The following TTN variants were observed in gnomAD, a reference collection of about 807,000 sequenced individuals.
The protein encoded by TTN is connectin.
TTN carries 1,525 observed loss-of-function variants against 3,223.0 expected under a neutral mutation model. The ratio of observed to expected loss-of-function variants is 0.47; its 90% CI spans 0.45 to 0.49. TTN has a LOEUF of 0.49. Ranked by LOEUF, TTN falls within the 20% of genes least tolerant of loss-of-function variation. The pLI is 0.00. For missense variants in TTN, 40,786 were observed against 43,424.0 expected (o/e 0.94, Z 5.40); for synonymous variants, 14,094 against 15,161.0 (o/e 0.93, Z 5.17).
Position 178,590,356 on chromosome 2 carries a change from C to T in TTN, c.61369G>A (p.Glu20457Lys). ...IKAANIVGEG[E>K]PRELAESVIA... ...ACAGATTCTGCTAGTTCTCTTGGCT[C>T]ACCCTCTCCTACAATATTAGCTGCC... The change falls in exon 304 of 363, where the codon GAG (glutamate) becomes AAG (lysine). Residue 20457 changes from glutamate (E) to lysine (K), a missense_variant. Glu to Lys is a moderately conservative substitution (Grantham distance 56, BLOSUM62 1). Transcript: ENST00000589042. The T allele has an allele frequency of 1.9e-6, 3 of 1,575,454 alleles. No individual in the cohort carries two copies. The highest frequency in any genetic ancestry group is 2.6e-6 in the Non-Finnish European group (3 of 1,161,882).
chr2:178,747,950 T>C (rs769450043), intron 47 of TTN: 2 of 1,613,088 alleles, frequency 1.2e-6, no homozygotes, highest in Non-Finnish European at 1.7e-6. Flanking sequence ...GTCAGCTTCC[T>C]GAACATCACC....
chr2:178,740,109 C>G lies in TTN; in HGVS notation c.13124G>C (p.Arg4375Thr), dbSNP rs1312680194. Residue 4375 changes from arginine (R) to threonine (T), a missense_variant, in exon 48 of 363, where the codon AGG becomes ACG. Physicochemically the swap from Arg to Thr is moderately conservative, Grantham distance 71. Transcript: ENST00000589042. ...CAAGCTTTCCTTAGAAAGAAGGTCC[C>G]TTCCCTGTACCTCCTGCACTTTCTT... ...AIKKVQEVQG[R>T]DLLSKESLLS... 3.1e-6 allele frequency: 5 copies of G among 1,613,854 alleles called. No individual in the cohort carries two copies. In the South Asian group the frequency reaches 4.4e-5, roughly 14 times the overall value.
Position 178,577,456 on chromosome 2 carries a change from G to C in TTN, c.68879C>G (p.Ala22960Gly). 1.2e-6 allele frequency: 2 copies of C among 1,601,956 alleles called. No homozygotes were observed. Among genetic ancestry groups the C allele is most frequent in the Non-Finnish European group, 8.5e-7 (1 of 1,172,090 alleles). The part of the protein sequence containing the change: ...PTIKDGLTIK[A>G]GDTIVLNAIS... Reference sequence around the variant, plus strand: ...GGCATTCAAAACAATGGTATCCCCTGCTTTAATTGTTAGCCCATCTTTTAT... The same window carrying C: ...GGCATTCAAAACAATGGTATCCCCTCCTTTAATTGTTAGCCCATCTTTTAT... Residue 22960 changes from alanine to glycine, a missense_variant, in exon 324 of 363, where the codon GCA becomes GGA. By Grantham distance (60) the Ala-to-Gly change is moderately conservative (BLOSUM62 0). Transcript: ENST00000589042.
Position 178,544,372 on chromosome 2 carries a change from T to A in TTN, c.95857A>T (p.Thr31953Ser). The A allele has an allele frequency of 6.2e-7, 1 of 1,613,746 alleles. No homozygotes were observed. The highest frequency in any genetic ancestry group is 8.5e-7 in the Non-Finnish European group (1 of 1,179,716). Reference protein sequence around the residue: ...GYVLEMQEKDTDQWYRVHTNA... With the variant: ...GYVLEMQEKDSDQWYRVHTNA... ...GTATGCACTCGGTACCACTGATCAG[T>A]GTCCTTCTCTTGCATTTCCAGAACA... The change falls in exon 345 of 363, where the codon ACT (threonine) becomes TCT (serine). Residue 31953 changes from threonine (T) to serine (S), a missense_variant. Physicochemically the swap from Thr to Ser is moderately conservative, Grantham distance 58 (BLOSUM62 1). Coordinates refer to ENST00000589042, the MANE Select transcript of TTN (RefSeq NM_001267550.2).
At position 178,652,850 on chromosome 2, in the gene TTN, T is replaced by C; in HGVS notation, c.38957A>G (p.Lys12986Arg). The change falls in exon 200 of 363, where the codon AAA becomes AGA. Residue 12986 changes from lysine to arginine, a missense_variant and splice_region_variant. Lys to Arg is a conservative substitution (Grantham distance 26). Transcript: ENST00000589042. ...PPKKPEVPPV[K>R]VPEAPKEVVP... The stretch of plus-strand genomic sequence containing the variant: ...AGCCTAAAGCCAGTGACAAATACCT[T>C]TAACAGGAGGGACTTCAGGCTTTTT... The C allele has an allele frequency of 6.2e-7, 1 of 1,611,370 alleles. No individual in the cohort carries two copies. Among genetic ancestry groups the C allele is most frequent in the Non-Finnish European group, 8.5e-7 (1 of 1,179,042 alleles).
rs761147994 is a variant in TTN, at chr2:178,543,891, T to G, written c.96253A>C (p.Ile32085Leu). 1.1e-5 allele frequency: 17 copies of G among 1,613,624 alleles called. No individual in the cohort carries two copies. The highest frequency in any genetic ancestry group is 1.4e-5 in the Non-Finnish European group (16 of 1,179,730). The change falls in exon 346 of 363, where the codon ATT (isoleucine) becomes CTT (leucine). Residue 32085 changes from isoleucine to leucine, a missense_variant. By Grantham distance (5) the Ile-to-Leu change is conservative. Coordinates refer to ENST00000589042, the MANE Select transcript of TTN (RefSeq NM_001267550.2). ...VNRYDAGKYTIEAENQSGKKS... is the reference protein window; with the variant it reads ...VNRYDAGKYTLEAENQSGKKS... ...TTGCCAGATTGGTTTTCAGCTTCAA[T>G]TGTGTATTTTCCAGCATCGTACCGA...
chr2:178,745,624 T>A (rs746270759), intron 47 of TTN: 1 of 1,612,836 alleles, frequency 6.2e-7, no homozygotes, highest in South Asian at 1.1e-5. Context: ...CAGCCATTCC[T>A]GATTTGTTTG....
chr2:178,651,761 G>T lies in TTN; in HGVS notation c.39380-12C>A. On this transcript the variant is annotated splice_polypyrimidine_tract_variant and intron_variant, in intron 205 of 362. Coordinates refer to ENST00000589042, the MANE Select transcript of TTN (RefSeq NM_001267550.2). ...AGGTGGTACGGTCACTAAAGAATTAGAAGGTATGTTTTAGAAAGAACGAAG... is the reference window on the plus strand; with the variant it reads ...AGGTGGTACGGTCACTAAAGAATTATAAGGTATGTTTTAGAAAGAACGAAG... The T allele has an allele frequency of 6.2e-7, 1 of 1,612,348 alleles. No homozygotes were observed. The highest frequency in any genetic ancestry group is 8.5e-7 in the Non-Finnish European group (1 of 1,179,272).
chr2:178,585,446 A>C, intron 308 of TTN, 99 bp from the exon 309 acceptor site: 1 of 1,286,736 alleles, frequency 7.8e-7, no homozygotes, highest in Non-Finnish European at 1.1e-6. Context: ...ATTACCACCA[A>C]TTTTTTTTAA....
chr2:178,670,976 A>G, intron 156 of TTN, 114 bp downstream of exon 156: 1 of 780,118 alleles, frequency 1.3e-6, no homozygotes, highest in African/African-American at 1.8e-5. Flanking sequence ...TAGACATGTC[A>G]GAAACAAGAA....
Position 178,552,368 on chromosome 2 carries a change from C to G in TTN, c.90532G>C (p.Val30178Leu). 1 of 1,593,762 alleles carries G rather than the reference C, an allele frequency of 6.3e-7. No homozygotes were observed. The highest frequency in any genetic ancestry group is 8.6e-7 in the Non-Finnish European group (1 of 1,169,116). Residue 30178 changes from valine to leucine, a missense_variant, in exon 335 of 363, where the codon GTT (valine) becomes CTT (leucine). Val to Leu is a conservative substitution (Grantham distance 32). Coordinates refer to ENST00000589042, the MANE Select transcript of TTN (RefSeq NM_001267550.2). ...TTGTTTTCAGTTTTACTGAAGCGAA[C>G]AAATTCACTTTCTTTCAGTGGCAAG... ...DGLPLKESEF[V>L]RFSKTENKIT...
Position 178,588,019 on chromosome 2 carries a change from A to G in TTN, c.63388T>C (p.Phe21130Leu). ...TTTTCATCCAAGCTGGTAACAGTGA[A>G]TTCCTTGCGTACAAGCTGTGCTGCA... ...NAAAQLVRKE[F>L]TVTSLDENQE... Residue 21130 changes from phenylalanine (F) to leucine (L), a missense_variant, in exon 305 of 363, where the codon TTC (phenylalanine) becomes CTC (leucine). Phe to Leu is a conservative substitution (Grantham distance 22). Coordinates refer to ENST00000589042, the MANE Select transcript of TTN (RefSeq NM_001267550.2). 3 of 1,612,960 alleles carry G rather than the reference A, an allele frequency of 1.9e-6. No individual in the cohort carries two copies. The highest frequency in any genetic ancestry group is 2.5e-6 in the Non-Finnish European group (3 of 1,179,366).
chr2:178,797,471 T>C (rs2093830991), intron 6 of TTN, among the ~76,000 whole-genome samples: 1 of 152,120 alleles, frequency 6.6e-6, no homozygotes, highest in Non-Finnish European at 1.5e-5. Flanking sequence ...CCTTTAAAAA[T>C]TAATTTGTGG....
Position 178,701,174 on chromosome 2 carries a change from G to T in TTN, c.30628C>A (p.Pro10210Thr), listed in dbSNP as rs747109224. ...EIPPVVAPPI[P>T]LLLPTPEEKK... is the part of the protein sequence containing the mutation. Reference sequence around the variant, plus strand: ...TCTTCGGGTGTTGGTAGCAAAAGGGGGATAGGAGGAGCAACCACAGGAGGG... The same window carrying T: ...TCTTCGGGTGTTGGTAGCAAAAGGGTGATAGGAGGAGCAACCACAGGAGGG... Residue 10210 changes from proline to threonine, a missense_variant, in exon 111 of 363, where the codon CCC (proline) becomes ACC (threonine). By Grantham distance (38) the Pro-to-Thr change is conservative. Coordinates refer to ENST00000589042, the MANE Select transcript of TTN (RefSeq NM_001267550.2). The T allele has an allele frequency of 6.2e-7, 1 of 1,613,550 alleles. No homozygotes were observed. Among genetic ancestry groups the T allele is most frequent in the East Asian group, 2.2e-5 (1 of 44,854 alleles).
chr2:178,575,000 A>G lies in TTN; in HGVS notation c.71132T>C (p.Ile23711Thr), dbSNP rs752317656. Residue 23711 changes from isoleucine (I) to threonine (T), a missense_variant, in exon 326 of 363, where the codon ATT (isoleucine) becomes ACT (threonine). Ile to Thr is a moderately conservative substitution (Grantham distance 89). Transcript: ENST00000589042. ...GATGACATCACCAACCTCTCCTACA[A>G]TGTTCCTTGCTGTTAATGGATAGGG... ...SGPYPLTARN[I>T]VGEVGDVITI... 2.1e-5 allele frequency: 34 copies of G among 1,613,176 alleles called. No individual in the cohort carries two copies. Among genetic ancestry groups the G allele is most frequent in the Admixed American group, 1.0e-4 (6 of 59,948 alleles).
Position 178,530,699 on chromosome 2 carries a change from C to T in TTN, c.105916G>A (p.Val35306Met), listed in dbSNP as rs1434315858. The T allele has an allele frequency of 1.9e-6, 3 of 1,613,862 alleles. No individual in the cohort carries two copies. In the African/African-American group the frequency reaches 4.0e-5, roughly 22 times the overall value. Reference sequence around the variant, plus strand: ...GCCCTTAATACACTGCTTTCAACCACACAGGTCAGTTTTGCAATCTCTTTA... The same window carrying T: ...GCCCTTAATACACTGCTTTCAACCATACAGGTCAGTTTTGCAATCTCTTTA... ...ASKEIAKLTCVVESSVLRAKE... is the reference protein window; with the variant it reads ...ASKEIAKLTCMVESSVLRAKE... The change falls in exon 358 of 363, where the codon GTG (valine) becomes ATG (methionine). Residue 35306 changes from valine to methionine, a missense_variant. Physicochemically the swap from Val to Met is conservative, Grantham distance 21. Coordinates refer to ENST00000589042, the MANE Select transcript of TTN (RefSeq NM_001267550.2).
Position 178,710,904 on chromosome 2 carries a change from A to T in TTN, c.28193T>A (p.Phe9398Tyr). 1 of 1,613,304 alleles carries T rather than the reference A, an allele frequency of 6.2e-7. No homozygotes were observed. Among genetic ancestry groups the T allele is most frequent in the Non-Finnish European group, 8.5e-7 (1 of 1,179,302 alleles). Residue 9398 changes from phenylalanine (F) to tyrosine (Y), a missense_variant, in exon 98 of 363, where the codon TTC (phenylalanine) becomes TAC (tyrosine). Physicochemically the swap from Phe to Tyr is conservative, Grantham distance 22. Transcript: ENST00000589042. ...CACAGGGGCAAGACGGATGTCAAAG[A>T]AGGGTGGGTTCTTCCCCTCTAATAG... is the stretch of plus-strand genomic sequence containing the variant. ...LILTEGKNPP[F>Y]FDIRLAPVDA... is the part of the protein sequence containing the mutation.
At chr2:178,746,538 G>A in intron 47 of TTN, 1 of 1,613,222 alleles carries the variant, frequency 6.2e-7, no homozygotes, top group East Asian at 2.2e-5. Flanking sequence ...ACATGCTGAT[G>A]TGTTACTGGA....
At position 178,593,675 on chromosome 2, in the gene TTN, G is replaced by T; in HGVS notation, c.58625C>A (p.Ser19542Tyr). The T allele has an allele frequency of 6.2e-7, 1 of 1,613,218 alleles. No homozygotes were observed. Among genetic ancestry groups the T allele is most frequent in the Non-Finnish European group, 8.5e-7 (1 of 1,179,572 alleles). The part of the protein sequence containing the change: ...SASAKTTCKV[S>Y]KLLEGKDYIF... ...ATAATCTTTTCCTTCAAGTAGTTTA[G>T]AAACTTTGCATGTTGTTTTAGCACT... Residue 19542 changes from serine (S) to tyrosine (Y), a missense_variant, in exon 298 of 363, where the codon TCT (serine) becomes TAT (tyrosine). Transcript: ENST00000589042.
Sources: gnomAD v4.1 joint callset for allele counts (sites outside exome capture counted in the v4.1 genomes callset) on GRCh38, gnomAD v4.1.1 for gene constraint, MANE v1.5 for transcripts, NCBI Gene and HGNC (gene_info 2026-07-23, HGNC 2026-07-21) for gene names.